ADGRF1: variants seen among roughly 807,000 people sequenced by gnomAD.
ADGRF1 encodes adhesion G protein-coupled receptor F1.
Under a neutral mutation model 87.2 loss-of-function variants are expected in ADGRF1, and 85 were observed. The observed-to-expected ratio is 0.97, with a 90% CI of 0.82 to 1.17. ADGRF1 has a LOEUF of 1.17. ADGRF1 is among the 50% of genes most tolerant of loss of function. ADGRF1 has a pLI of 0.00. For missense variants in ADGRF1, 1,169 were observed against 1,077.2 expected (o/e 1.09, Z -1.19); for synonymous variants, 430 against 408.8 (o/e 1.05, Z -0.63).
Position 47,027,685 on chromosome 6 carries a change from C to A in ADGRF1, c.127+19G>T. The A allele has an allele frequency of 6.3e-7, 1 of 1,578,388 alleles. No individual in the cohort carries two copies. The highest frequency in any genetic ancestry group is 8.7e-7 in the Non-Finnish European group (1 of 1,148,986). Reference sequence around the variant, plus strand: ...TGACACCAAAATCCACTGCACCATGCTGTCTAACAGAGCCTCACCTAGATG... The same window carrying A: ...TGACACCAAAATCCACTGCACCATGATGTCTAACAGAGCCTCACCTAGATG... On this transcript the variant is annotated intron_variant, in intron 3 of 14. Transcript: ENST00000371253.
chr6:46,998,344 T>G lies in ADGRF1; in HGVS notation c.*1878A>C, dbSNP rs2113871003. 6.6e-6 allele frequency: 1 copy of G among 152,364 alleles called. No homozygotes were observed. The highest frequency in any genetic ancestry group is 1.5e-5 in the Non-Finnish European group (1 of 68,086). The allele number at this position is 152,364 out of a possible 1,614,324, so 9.4% of individuals were successfully genotyped here. On this transcript the variant is annotated 3_prime_UTR_variant, in exon 15 of 15. Transcript: ENST00000371253. ...CAGGTGGTCATTTGTGACTCCTTCC[T>G]CATCCCACAATCTGGCTTCACCTCC... is the stretch of plus-strand genomic sequence containing the variant.
chr6:47,037,405 A>T (rs76401629), intron 1 of ADGRF1, among the ~76,000 whole-genome samples: 1,701 of 152,238 alleles, frequency 0.011, 40 homozygotes, highest in African/African-American at 0.038. Context: ...TTTGTAGTTC[A>T]TCTTTAAAAC....
At chr6:47,011,336 T>G (rs954175168) in intron 10 of ADGRF1, among the ~76,000 whole-genome samples, 1 of 152,254 alleles carries the variant, frequency 6.6e-6, no homozygotes, top group African/African-American at 2.4e-5. Flanking sequence ...TTAATGTACA[T>G]TATATAATCC....
Position 47,010,390 on chromosome 6 carries a change from T to C in ADGRF1, c.1117-72A>G, listed in dbSNP as rs1335469457. On this transcript the variant is annotated intron_variant, in intron 10 of 14. Coordinates refer to ENST00000371253, the MANE Select transcript of ADGRF1 (RefSeq NM_153840.4). ...TAAGAGGACCAGCAGTGGATAGTCA[T>C]TAGCATTAAGAATAGGAAAAATGCC... 6 of 1,260,016 alleles carry C rather than the reference T, an allele frequency of 4.8e-6. No individual in the cohort carries two copies. The Admixed American group carries it at 1.5e-4, about 32-fold the overall frequency. The allele number at this position is 1,260,016 out of a possible 1,614,324, so 78.1% of individuals were successfully genotyped here.
intron 1 of ADGRF1, among the ~76,000 whole-genome samples, chr6:47,036,000 G>A (rs1234551637): frequency 1.3e-5 from 2 of 152,164 alleles, no homozygotes; most frequent in East Asian, 1.9e-4. Flanking sequence ...GGAAGCGGAG[G>A]CTGGTGCATT....
In ADGRF1 at chr6:47,000,304, G is replaced by GA. The variant is rs538324513; in HGVS notation, c.2660-10dup. 7.5e-4 allele frequency: 1,141 copies of GA among 1,518,584 alleles called. No homozygotes were observed. Among genetic ancestry groups the GA allele is most frequent in the Middle Eastern group, 1.0e-3 (6 of 5,744 alleles). The allele number at this position is 1,518,584 out of a possible 1,614,324, so 94.1% of individuals were successfully genotyped here. ...AGAAAATGCATAATGGCCTGAAGGG[G>GA]AAAAAAAAAGGAAATAATTATTGTT... is the stretch of plus-strand genomic sequence containing the variant. On this transcript the variant is annotated splice_polypyrimidine_tract_variant and intron_variant, in intron 14 of 14. Transcript: ENST00000371253.
chr6:47,040,008 C>T (rs1780691711), intron 1 of ADGRF1, among the ~76,000 whole-genome samples: 1 of 151,826 alleles, frequency 6.6e-6, no homozygotes, highest in South Asian at 2.1e-4. Context: ...TAAAATAAAA[C>T]CATGTATCTA....
intron 7 of ADGRF1, chr6:47,017,232 T>C (rs1349372648): frequency 6.6e-6 from 1 of 152,202 alleles, no homozygotes; most frequent in African/African-American, 2.4e-5. Context: ...CAGGAGATGA[T>C]ATTGGAGTGG....
Position 47,029,116 on chromosome 6 carries a change from G to T in ADGRF1, c.-43-12C>A. 1 of 1,431,370 alleles carries T rather than the reference G, an allele frequency of 7.0e-7. No individual in the cohort carries two copies. Among genetic ancestry groups the T allele is most frequent in the Non-Finnish European group, 9.9e-7 (1 of 1,013,804 alleles). The allele number at this position is 1,431,370 out of a possible 1,614,324, so 88.7% of individuals were successfully genotyped here. A position where few individuals can be genotyped will look rare whatever the true frequency, so the allele number is the denominator to read the frequency against. Reference sequence around the variant, plus strand: ...TGCATAGTCTGTGACTAAACAAGCAGGGTACCAGGTAAGGTAGAGGCACAA... The same window carrying T: ...TGCATAGTCTGTGACTAAACAAGCATGGTACCAGGTAAGGTAGAGGCACAA... On this transcript the variant is annotated splice_polypyrimidine_tract_variant and intron_variant, in intron 1 of 14. Coordinates refer to ENST00000371253, the MANE Select transcript of ADGRF1 (RefSeq NM_153840.4).
intron 1 of ADGRF1, among the ~76,000 whole-genome samples, chr6:47,031,289 TCTCTGTCTGA>T: frequency 6.6e-6 from 1 of 151,428 alleles, no homozygotes; most frequent in Non-Finnish European, 1.5e-5. Context: ...TCTCTCTCTC[TCTCTGTCTGA>T]CTCTCTCTGT....
chr6:47,023,514 A>G (rs1290614917), intron 5 of ADGRF1, among the ~76,000 whole-genome samples: 1 of 152,184 alleles, frequency 6.6e-6, no homozygotes, highest in Non-Finnish European at 1.5e-5. Context: ...TAAGTTAACC[A>G]TAGCTCCCTC....
Position 46,997,750 on chromosome 6 carries a change from A to G in ADGRF1, c.*2472T>C, listed in dbSNP as rs776540661. ...TTATTGTTGTTTTAGTAGCATTTTGAGGTGAATGTATGCATAATCAGTGAA... is the reference window on the plus strand; with the variant it reads ...TTATTGTTGTTTTAGTAGCATTTTGGGGTGAATGTATGCATAATCAGTGAA... On this transcript the variant is annotated 3_prime_UTR_variant, in exon 15 of 15. Transcript: ENST00000371253. The G allele has an allele frequency of 2.0e-5, 3 of 152,202 alleles. No individual in the cohort carries two copies. The highest frequency in any genetic ancestry group is 2.9e-5 in the Non-Finnish European group (2 of 68,028). The allele number at this position is 152,202 out of a possible 1,614,324, so 9.4% of individuals were successfully genotyped here.
intron 9 of ADGRF1, chr6:47,012,739 T>C (rs1779746463): frequency 1.2e-5 from 12 of 985,516 alleles, no homozygotes; most frequent in Non-Finnish European, 1.4e-5. Context: ...ACTACTGGGC[T>C]TGTGCCAGCC....
At chr6:47,036,697 G>A (rs968104182) in intron 1 of ADGRF1, among the ~76,000 whole-genome samples, 3 of 152,086 alleles carry the variant, frequency 2.0e-5, no homozygotes, top group African/African-American at 7.2e-5. Flanking sequence ...AATTCTTTAT[G>A]TTTCCCTTTA....
At chr6:47,022,202 A>G (rs1260042475) in intron 5 of ADGRF1, 144 bp from the exon 6 acceptor site, 1 of 559,548 alleles carries the variant, frequency 1.8e-6, no homozygotes, top group Non-Finnish European at 3.1e-6. Context: ...TTCACCTAAA[A>G]TAACACAGGA....
chr6:47,013,744 G>T, intron 9 of ADGRF1: 1 of 705,938 alleles, frequency 1.4e-6, no homozygotes, highest in Non-Finnish European at 1.7e-6. Context: ...CTTGGTGGGA[G>T]ATGATTGGAT....
intron 10 of ADGRF1, among the ~76,000 whole-genome samples, chr6:47,011,049 G>T (rs1391721053): frequency 6.6e-6 from 1 of 152,118 alleles, no homozygotes; most frequent in Non-Finnish European, 1.5e-5. Flanking sequence ...TTGCCTTCTA[G>T]TCCAGAATCC....
rs1225003944 is a variant in ADGRF1 at position 47,009,294 on chromosome 6, G to A, written c.2141C>T (p.Ser714Phe). Residue 714 changes from serine (S) to phenylalanine (F), a missense_variant, in exon 11 of 15, where the codon TCT (serine) becomes TTT (phenylalanine). Physicochemically the swap from Ser to Phe is radical, Grantham distance 155 (BLOSUM62 -2). Coordinates refer to ENST00000371253, the MANE Select transcript of ADGRF1 (RefSeq NM_153840.4). Reference protein sequence around the residue: ...CLGYGCPLIISVITIAVTQPS... With the variant: ...CLGYGCPLIIFVITIAVTQPS... ...TTGCGTGACAGCAATGGTAATGACAGATATAATGAGAGGGCACCCATAACC... is the reference window on the plus strand; with the variant it reads ...TTGCGTGACAGCAATGGTAATGACAAATATAATGAGAGGGCACCCATAACC... The A allele has an allele frequency of 6.2e-7, 1 of 1,614,028 alleles. No homozygotes were observed. Among genetic ancestry groups the A allele is most frequent in the African/African-American group, 1.3e-5 (1 of 74,936 alleles).
In ADGRF1 at chr6:46,997,881, A is replaced by G. The variant is rs1473456951; in HGVS notation, c.*2341T>C. On this transcript the variant is annotated 3_prime_UTR_variant, in exon 15 of 15. Transcript: ENST00000371253. ...AGAAGCTTTTTCTTCCATCAGATAC[A>G]TTCCAGTTGTATGCCAACATACTCA... The G allele has an allele frequency of 6.6e-6, 1 of 152,188 alleles. No homozygotes were observed. Among genetic ancestry groups the G allele is most frequent in the Admixed American group, 6.5e-5 (1 of 15,278 alleles). 9.4% of individuals were successfully genotyped at this position (152,188 alleles called of 1,614,324 possible). A position where few individuals can be genotyped will look rare whatever the true frequency, so the allele number is the denominator to read the frequency against.
Sources: allele counts gnomAD v4.1 joint callset (sites outside exome capture counted in the v4.1 genomes callset), GRCh38; gene constraint gnomAD v4.1.1; transcripts MANE v1.5; gene names NCBI Gene and HGNC (gene_info 2026-07-23, HGNC 2026-07-21).